The following GLYATL2 variants were observed in gnomAD, a reference collection of about 807,000 sequenced individuals.
The protein encoded by GLYATL2 is glycine-N-acyltransferase like 2.
A neutral mutation model predicts 21.4 loss-of-function variants in GLYATL2; 25 were observed. The observed-to-expected ratio is 1.17, with a 90% confidence interval of 0.85 to 1.63. The LOEUF is 1.63. Among genes scored for constraint, GLYATL2 ranks in the 40% most tolerant of loss-of-function variants. GLYATL2 has a pLI of 0.00. For missense variants in GLYATL2, 361 were observed against 343.3 expected (o/e 1.05, Z -0.41); for synonymous variants, 114 against 118.2 (o/e 0.96, Z 0.23).
chr11:58,847,043 C>T (rs1277982386), upstream of GLYATL2, among the ~76,000 whole-genome samples: 1 of 152,182 alleles, frequency 6.6e-6, no homozygotes, highest in Non-Finnish European at 1.5e-5. Flanking sequence ...GTGAGGCCCC[C>T]GTTCCAGGCC....
At chr11:58,844,147 T>A (rs1853601591) in intron 1 of GLYATL2, among the ~76,000 whole-genome samples, 1 of 152,014 alleles carries the variant, frequency 6.6e-6, no homozygotes. Flanking sequence ...ATCTAGAGGG[T>A]GTCAGAGAAA....
At chr11:58,879,570 C>T (rs1854295236) in intron 1 of GLYATL2, among the ~76,000 whole-genome samples, 1 of 151,960 alleles carries the variant, frequency 6.6e-6, no homozygotes, top group Admixed American at 6.5e-5. Flanking sequence ...GTGAAATAAC[C>T]CAGACCCAAA....
chr11:58,882,191 C>T (rs1295667034), intron 1 of GLYATL2, among the ~76,000 whole-genome samples: 1 of 152,202 alleles, frequency 6.6e-6, no homozygotes, highest in Non-Finnish European at 1.5e-5. Flanking sequence ...GTTTACACTC[C>T]CACCAACAGT....
chr11:58,840,910 G>A (rs1305835023), intron 1 of GLYATL2: 1 of 148,866 alleles, frequency 6.7e-6, no homozygotes, highest in Admixed American at 6.6e-5. Flanking sequence ...ATATAAAGAT[G>A]CATAGGTGAA....
chr11:58,848,466 G>T (rs1278565098), upstream of GLYATL2, among the ~76,000 whole-genome samples: 1 of 152,130 alleles, frequency 6.6e-6, no homozygotes, highest in Non-Finnish European at 1.5e-5. Context: ...ACACAGAGAA[G>T]AAATGCAGAA....
At chr11:58,836,879 A>G (rs757211654) in intron 5 of GLYATL2, 136 bp downstream of exon 5, 239 of 761,720 alleles carry the variant, frequency 3.1e-4, no homozygotes, top group Non-Finnish European at 4.8e-4. Context: ...AGTTGCTAAC[A>G]TAACTCCCTT....
chr11:58,889,197 C>T lies in GLYATL2; in HGVS notation n.60+14959G>A, dbSNP rs140950188. Among the ~76,000 whole-genome samples, 126 of 151,874 alleles carry T rather than the reference C, an allele frequency of 8.3e-4. 1 individual carries two copies. Among genetic ancestry groups the T allele is most frequent in the African/African-American group, 2.9e-3 (120 of 41,484 alleles). ...TCTGAGCATTATTATTTTGTTATTG[C>T]TTTTTATTTATATTCTTGATTTCCA... On this transcript the variant is annotated intron_variant and non_coding_transcript_variant, in intron 1 of 4. Transcript: ENST00000533636.
chr11:58,886,297 G>C (rs72915114), intron 1 of GLYATL2, among the ~76,000 whole-genome samples: 1 of 152,200 alleles, frequency 6.6e-6, no homozygotes, highest in Non-Finnish European at 1.5e-5. Flanking sequence ...ATGGAAGCAC[G>C]TCTTTTGTTA....
In GLYATL2 at chr11:58,871,580, A is replaced by C. The variant is rs530236588; in HGVS notation, n.60+32576T>G. Among the ~76,000 whole-genome samples, 225 of 152,156 alleles carry C rather than the reference A, an allele frequency of 1.5e-3. 1 individual carries two copies. Among genetic ancestry groups the C allele is most frequent in the Non-Finnish European group, 2.7e-3 (184 of 68,014 alleles). On this transcript the variant is annotated intron_variant and non_coding_transcript_variant, in intron 1 of 4. Coordinates refer to the GLYATL2 transcript ENST00000533636. ...TAGTTTGCTGAGAATGATGGTTTCC[A>C]GCTTCATCCATGTCCCTAAAAACGA...
intron 1 of GLYATL2, among the ~76,000 whole-genome samples, chr11:58,899,692 T>G (rs1433233619): frequency 1.3e-5 from 2 of 152,080 alleles, no homozygotes; most frequent in Non-Finnish European, 1.5e-5. Flanking sequence ...ACTCCAGGAA[T>G]CACCCAAGAT....
At chr11:58,890,852 C>T (rs1238274888) in intron 1 of GLYATL2, among the ~76,000 whole-genome samples, 2 of 151,708 alleles carry the variant, frequency 1.3e-5, no homozygotes, top group South Asian at 2.1e-4. Flanking sequence ...ATGTCCCTCT[C>T]TCTCTTCTTC....
intron 1 of GLYATL2, among the ~76,000 whole-genome samples, chr11:58,858,086 C>T (rs1288331296): frequency 1.2e-4 from 18 of 152,098 alleles, no homozygotes; most frequent in Non-Finnish European, 1.9e-4. Flanking sequence ...ATTTTAATGT[C>T]ATGTGTCTGT....
chr11:58,875,773 G>T (rs1300451332), intron 1 of GLYATL2, among the ~76,000 whole-genome samples: 5 of 152,126 alleles, frequency 3.3e-5, no homozygotes, highest in Admixed American at 3.3e-4. Context: ...GTGTATTGGA[G>T]TTGCTCTTCT....
chr11:58,864,241 G>T (rs682357), intron 1 of GLYATL2, among the ~76,000 whole-genome samples: 134,627 of 151,782 alleles, frequency 0.89, 60,864 homozygotes, highest in Non-Finnish European at 0.98. Context: ...TTCTGGGGCT[G>T]GTCTGAAACC....
At chr11:58,851,489 G>A (rs1853740473) in intron 1 of GLYATL2, among the ~76,000 whole-genome samples, 1 of 152,074 alleles carries the variant, frequency 6.6e-6, no homozygotes, top group African/African-American at 2.4e-5. Flanking sequence ...AATTTGGTTT[G>A]CTAGTATTTT....
chr11:58,868,245 G>T lies in GLYATL2; in HGVS notation n.61-29877C>A, dbSNP rs1459584472. Among the ~76,000 whole-genome samples, 2 of 148,672 alleles carry T rather than the reference G, an allele frequency of 1.3e-5. 1 individual carries two copies. Among genetic ancestry groups the T allele is most frequent in the Non-Finnish European group, 3.0e-5 (2 of 67,100 alleles). On this transcript the variant is annotated intron_variant and non_coding_transcript_variant, in intron 1 of 4. Coordinates refer to the GLYATL2 transcript ENST00000533636. ...GTATAAACATAGAAGTTGACCCTCT[G>T]GTCTTAGAGCTTGATACTTTCATTT...
intron 2 of GLYATL2, among the ~76,000 whole-genome samples, chr11:58,838,708 G>C (rs1260068238): frequency 6.6e-6 from 1 of 151,998 alleles, no homozygotes; most frequent in African/African-American, 2.4e-5. Flanking sequence ...TATCAGGTCT[G>C]TCTTAAGCAT....
At chr11:58,878,151 G>C (rs1242030531) in intron 1 of GLYATL2, among the ~76,000 whole-genome samples, 1 of 152,150 alleles carries the variant, frequency 6.6e-6, no homozygotes, top group Non-Finnish European at 1.5e-5. Flanking sequence ...CACCCCTGGA[G>C]CCTCTGTGAA....
intron 1 of GLYATL2, among the ~76,000 whole-genome samples, chr11:58,889,272 GTTAT>G (rs1268134017): frequency 4.0e-5 from 6 of 151,840 alleles, no homozygotes; most frequent in Non-Finnish European, 7.4e-5. Flanking sequence ...GTGTGGGGGT[GTTAT>G]TTGTTTTTGT....
Sources: gnomAD v4.1 joint callset for allele counts (sites outside exome capture counted in the v4.1 genomes callset) on GRCh38, gnomAD v4.1.1 for gene constraint, MANE v1.5 for transcripts, NCBI Gene and HGNC (gene_info 2026-07-23, HGNC 2026-07-21) for gene names.